Variants in PSCA observed in about 807,000 individuals in gnomAD.
The protein encoded by PSCA is prostate stem cell antigen.
In PSCA, 7 loss-of-function variants were observed where a neutral mutation model predicts 7.9. That is an observed-to-expected ratio of 0.89 (90% confidence interval 0.51 to 1.67). PSCA has a LOEUF of 1.67. Ranked by LOEUF, PSCA falls within the 40% of genes most tolerant of loss-of-function variation. The pLI is 0.00. For missense variants in PSCA, 151 were observed against 147.9 expected, an observed-to-expected ratio of 1.02 and a Z score of -0.11; for synonymous variants, 61 against 68.3, an observed-to-expected ratio of 0.89 and a Z score of 0.53.
chr8:142,674,246 C>T (rs1554637628), intron 1 of PSCA, among the ~76,000 whole-genome samples: 2 of 147,942 alleles, frequency 1.4e-5, no homozygotes, highest in African/African-American at 5.1e-5. Context: ...TTCAGTCTAA[C>T]CTCAGCAGAG....
At chr8:142,680,430 G>A, upstream of PSCA, 2 of 1,362,680 alleles carry the variant, frequency 1.5e-6, no homozygotes, top group Non-Finnish European at 2.0e-6. Context: ...CGCTGGTGTT[G>A]ACTGTGGGCA....
upstream of PSCA, among the ~76,000 whole-genome samples, chr8:142,679,038 G>A (rs587676127): frequency 1.3e-5 from 2 of 151,962 alleles, no homozygotes; most frequent in South Asian, 2.1e-4. Context: ...GGCTGGGCCT[G>A]CTCTAGAGGG....
In PSCA at chr8:142,681,439, G is replaced by GT. The variant is rs1375717200; in HGVS notation, c.133+6dup. 3.2e-6 allele frequency: 5 copies of GT among 1,581,994 alleles called. No homozygotes were observed. The highest frequency in any genetic ancestry group is 4.3e-6 in the Non-Finnish European group (5 of 1,164,408). Reference sequence around the variant, plus strand: ...AGTGCTGGACCGCGCGCATCCGTGAGTGGGGGGACGACAGCCGCCAGGCCT... The same window carrying GT: ...AGTGCTGGACCGCGCGCATCCGTGAGTTGGGGGGACGACAGCCGCCAGGCCT... On this transcript the variant is annotated splice_donor_region_variant and intron_variant, in intron 2 of 2. Coordinates refer to ENST00000301258, the MANE Select transcript of PSCA (RefSeq NM_005672.5).
chr8:142,674,423 G>A (rs1847373101), intron 1 of PSCA, among the ~76,000 whole-genome samples: 2 of 151,434 alleles, frequency 1.3e-5, no homozygotes, highest in South Asian at 4.2e-4. Context: ...TAACGGCTGG[G>A]AATCATTTCA....
At chr8:142,678,131 G>A (rs587750408), upstream of PSCA, among the ~76,000 whole-genome samples, 36 of 152,270 alleles carry the variant, frequency 2.4e-4, no homozygotes, top group Middle Eastern at 3.4e-3. Flanking sequence ...CTTCCTGGAC[G>A]GTGCAGACCT....
intron 1 of PSCA, among the ~76,000 whole-genome samples, chr8:142,672,367 G>T (rs587705592): frequency 6.6e-6 from 1 of 152,038 alleles, no homozygotes; most frequent in Non-Finnish European, 1.5e-5. Context: ...ATCAAAAACC[G>T]CCCAAAACTT....
chr8:142,677,351 G>A (rs1847411323), upstream of PSCA, among the ~76,000 whole-genome samples: 1 of 152,220 alleles, frequency 6.6e-6, no homozygotes. Flanking sequence ...TCCTTGGCCT[G>A]CACCCACTAG....
chr8:142,682,074 C>T lies in PSCA; in HGVS notation c.287C>T (p.Ala96Val), dbSNP rs1554638446. 6.2e-7 allele frequency: 1 copy of T among 1,608,216 alleles called. No individual in the cohort carries two copies. The highest frequency in any genetic ancestry group is 8.5e-7 in the Non-Finnish European group (1 of 1,179,698). The change falls in exon 3 of 3, where the codon GCC becomes GTC. Residue 96 changes from alanine to valine, a missense_variant. By Grantham distance (64) the Ala-to-Val change is moderately conservative (BLOSUM62 0). Transcript: ENST00000301258. ...GCCCATGCCCTGCAGCCGGCTGCTG[C>T]CATCCTTGCGCTGCTCCCTGCACTC... The part of the protein sequence containing the change: ...SGAHALQPAA[A>V]ILALLPALGL...
chr8:142,682,218 C>A lies in PSCA; in HGVS notation c.*86C>A. Reference sequence around the variant, plus strand: ...CCTCACACACCCGGCCCAGTGGGAGCCTGTCCTGGTTCCTGAGGCACATCC... The same window carrying A: ...CCTCACACACCCGGCCCAGTGGGAGACTGTCCTGGTTCCTGAGGCACATCC... On this transcript the variant is annotated 3_prime_UTR_variant, in exon 3 of 3. Transcript: ENST00000301258. 6.9e-7 allele frequency: 1 copy of A among 1,450,496 alleles called. No homozygotes were observed. Among genetic ancestry groups the A allele is most frequent in the Non-Finnish European group, 9.4e-7 (1 of 1,066,644 alleles). The allele number at this position is 1,450,496 out of a possible 1,614,324, so 89.9% of individuals were successfully genotyped here.
At chr8:142,675,613 C>T (rs1847390932), upstream of PSCA, among the ~76,000 whole-genome samples, 1 of 152,230 alleles carries the variant, frequency 6.6e-6, no homozygotes, top group African/African-American at 2.4e-5. Flanking sequence ...ACACACATGC[C>T]ACACATTTGC....
At chr8:142,678,329 C>T (rs954606919), upstream of PSCA, among the ~76,000 whole-genome samples, 3 of 152,198 alleles carry the variant, frequency 2.0e-5, no homozygotes, top group Non-Finnish European at 4.4e-5. Context: ...GACACACACT[C>T]GGCAGCAGGC....
intron 1 of PSCA, chr8:142,680,988 C>T: frequency 2.2e-6 from 1 of 449,154 alleles, no homozygotes; most frequent in Non-Finnish European, 4.1e-6. Flanking sequence ...CTACATCCGG[C>T]CCAGTCCCAG....
intron 1 of PSCA, chr8:142,680,802 T>G: frequency 1.7e-6 from 1 of 596,458 alleles, no homozygotes; most frequent in Non-Finnish European, 3.0e-6. Context: ...GTCACTCTCC[T>G]TCACCACCGT....
intron 1 of PSCA, among the ~76,000 whole-genome samples, chr8:142,674,994 C>T (rs1013283164): frequency 1.3e-5 from 2 of 152,284 alleles, no homozygotes; most frequent in South Asian, 2.1e-4. Flanking sequence ...CTGCTATTCC[C>T]TCTGCCTGGA....
At position 142,681,902 on chromosome 8, in the gene PSCA, G is replaced by T; in HGVS notation, c.134-19G>T. ...GAGCACACAGGGCAGCCCCATCCCC[G>T]GATCCCGCTGCTCCCCAGGCGCAGT... On this transcript the variant is annotated intron_variant, in intron 2 of 2. Transcript: ENST00000301258. 6.6e-7 allele frequency: 1 copy of T among 1,508,128 alleles called. No individual in the cohort carries two copies. The highest frequency in any genetic ancestry group is 8.9e-7 in the Non-Finnish European group (1 of 1,120,412). The allele number at this position is 1,508,128 out of a possible 1,614,324, so 93.4% of individuals were successfully genotyped here. A position where few individuals can be genotyped will look rare whatever the true frequency, so the allele number is the denominator to read the frequency against.
intron 1 of PSCA, among the ~76,000 whole-genome samples, chr8:142,672,050 C>T (rs1847339339): frequency 6.6e-6 from 1 of 152,152 alleles, no homozygotes; most frequent in African/African-American, 2.4e-5. Flanking sequence ...CTGCCAGGGC[C>T]CCTCCCCAGA....
At chr8:142,678,041 G>T (rs1013194566), upstream of PSCA, among the ~76,000 whole-genome samples, 1 of 152,096 alleles carries the variant, frequency 6.6e-6, no homozygotes, top group Non-Finnish European at 1.5e-5. Context: ...CTTGATCCCA[G>T]ACTCAAGGTG....
In PSCA at chr8:142,682,243, C is replaced by A; in HGVS notation, c.*111C>A. 1 of 1,312,662 alleles carries A rather than the reference C, an allele frequency of 7.6e-7. No individual in the cohort carries two copies. The highest frequency in any genetic ancestry group is 1.1e-6 in the Non-Finnish European group (1 of 942,704). 81.3% of individuals were successfully genotyped at this position (1,312,662 alleles called of 1,614,324 possible). A position where few individuals can be genotyped will look rare whatever the true frequency, so the allele number is the denominator to read the frequency against. On this transcript the variant is annotated 3_prime_UTR_variant, in exon 3 of 3. Transcript: ENST00000301258. The stretch of plus-strand genomic sequence containing the variant: ...CCTGTCCTGGTTCCTGAGGCACATC[C>A]TAACGCAAGTCTGACCATGTATGTC...
chr8:142,682,397 C>G lies in PSCA; in HGVS notation c.*265C>G. ...ACCCTCTCTGCTGCTGTTTCCATGGCCCAGCATTCTCCACCCTTAACCCTG... is the reference window on the plus strand; with the variant it reads ...ACCCTCTCTGCTGCTGTTTCCATGGGCCAGCATTCTCCACCCTTAACCCTG... On this transcript the variant is annotated 3_prime_UTR_variant, in exon 3 of 3. Transcript: ENST00000301258. 1 of 691,516 alleles carries G rather than the reference C, an allele frequency of 1.4e-6. No homozygotes were observed. Among genetic ancestry groups the G allele is most frequent in the Non-Finnish European group, 2.6e-6 (1 of 378,238 alleles). 42.8% of individuals were successfully genotyped at this position (691,516 alleles called of 1,614,324 possible).
Sources: gnomAD v4.1 joint callset for allele counts (sites outside exome capture counted in the v4.1 genomes callset) on GRCh38, gnomAD v4.1.1 for gene constraint, MANE v1.5 for transcripts, NCBI Gene and HGNC (gene_info 2026-07-23, HGNC 2026-07-21) for gene names.